SNX9: variants seen among roughly 807,000 people sequenced by gnomAD.
SNX9 encodes sorting nexin-9.
Under a neutral mutation model 89.4 loss-of-function variants are expected in SNX9, and 44 were observed. That is an observed-to-expected ratio of 0.49 (90% confidence interval 0.39 to 0.63). The LOEUF is 0.63. SNX9 is among the 30% of genes least tolerant of loss of function. The pLI, the probability that SNX9 is intolerant of heterozygous loss-of-function variation, is 0.00. For synonymous variants in SNX9, 236 were observed against 247.8 expected, an observed-to-expected ratio of 0.95 and a Z score of 0.45; for missense variants, 578 against 736.1, an observed-to-expected ratio of 0.79 and a Z score of 2.49.
intron 1 of SNX9, among the ~76,000 whole-genome samples, chr6:157,860,673 A>G (rs1387830910): frequency 1.3e-5 from 2 of 152,180 alleles, no homozygotes; most frequent in Non-Finnish European, 1.5e-5. Flanking sequence ...AATCATCCCA[A>G]TCTCTAGAAG....
intron 1 of SNX9, among the ~76,000 whole-genome samples, chr6:157,856,228 T>C (rs1019586775): frequency 2.6e-5 from 4 of 152,248 alleles, no homozygotes; most frequent in African/African-American, 9.6e-5. Flanking sequence ...GTGTTTTTTA[T>C]GGTTTTTTAA....
At chr6:157,922,619 T>A (rs1444111583) in intron 10 of SNX9, among the ~76,000 whole-genome samples, 1 of 152,254 alleles carries the variant, frequency 6.6e-6, no homozygotes, top group Non-Finnish European at 1.5e-5. Flanking sequence ...TGCATACACT[T>A]AACATACATA....
chr6:157,842,998 G>T (rs1328122385), intron 1 of SNX9, among the ~76,000 whole-genome samples: 6 of 152,184 alleles, frequency 3.9e-5, no homozygotes, highest in Non-Finnish European at 8.8e-5. Context: ...CCCAAAGTTA[G>T]TTCTGGCCTG....
intron 1 of SNX9, among the ~76,000 whole-genome samples, chr6:157,834,684 C>G (rs1781550302): frequency 6.6e-6 from 1 of 152,044 alleles, no homozygotes; most frequent in South Asian, 2.1e-4. Context: ...TTCCTCATGC[C>G]CATTCCATTC....
Position 157,943,110 on chromosome 6 carries a change from A to C in SNX9, c.*272A>C, listed in dbSNP as rs1784076393. 1 of 317,120 alleles carries C rather than the reference A, an allele frequency of 3.2e-6. No homozygotes were observed. Among genetic ancestry groups the C allele is most frequent in the African/African-American group, 2.1e-5 (1 of 46,576 alleles). The allele number at this position is 317,120 out of a possible 1,614,324, so 19.6% of individuals were successfully genotyped here. On this transcript the variant is annotated 3_prime_UTR_variant, in exon 18 of 18. Transcript: ENST00000392185. ...AAAAGTTACCAGAATTTTCAATGGA[A>C]AATGAGGGGTTTCTCCCCACTGATA...
In SNX9 at chr6:157,844,600, G is replaced by GTTTTTTTTTTTTTTTTTTTTTTTTTTT. The variant is rs34836632; in HGVS notation, c.12+21165_12+21166insTTTTTTTTTTTTTTTTTTTTTTTTTTT. On this transcript the variant is annotated intron_variant, in intron 1 of 17. Transcript: ENST00000392185. ...TGGCTAATCCTTGTTTTTTTTTTTT[G>GTTTTTTTTTTTTTTTTTTTTTTTTTTT]TTTTTTTTTTTGAGACAGAGTCTCA... Among the ~76,000 whole-genome samples the GTTTTTTTTTTTTTTTTTTTTTTTTTTT allele has an allele frequency of 3.0e-5, 4 of 131,832 alleles. No homozygotes were observed. The East Asian group carries it at 9.0e-4, about 30-fold the overall frequency. 86.5% of individuals were successfully genotyped at this position (131,832 alleles called of 152,430 possible).
intron 1 of SNX9, among the ~76,000 whole-genome samples, chr6:157,838,834 A>G (rs1781637857): frequency 6.6e-6 from 1 of 152,228 alleles, no homozygotes; most frequent in Non-Finnish European, 1.5e-5. Flanking sequence ...TTTATCTGGC[A>G]CTGGTTAAAC....
chr6:157,901,367 A>G (rs1377511648), intron 5 of SNX9, among the ~76,000 whole-genome samples: 1 of 151,962 alleles, frequency 6.6e-6, no homozygotes, highest in Non-Finnish European at 1.5e-5. Flanking sequence ...GTTATTTTTG[A>G]CTTTGTTCCC....
At chr6:157,901,815 T>TAGAA (rs1466505193) in intron 5 of SNX9, 83 bp from the exon 6 acceptor site, 20 of 1,514,894 alleles carry the variant, frequency 1.3e-5, no homozygotes, top group Non-Finnish European at 1.8e-5. Context: ...AGTAGGTAGT[T>TAGAA]ACTGTCAGAA....
chr6:157,865,875 A>T (rs112691994), intron 1 of SNX9, among the ~76,000 whole-genome samples: 1 of 152,254 alleles, frequency 6.6e-6, no homozygotes, highest in African/African-American at 2.4e-5. Flanking sequence ...TGTTCAGTAA[A>T]TATTGTTAAA....
intron 1 of SNX9, among the ~76,000 whole-genome samples, chr6:157,860,088 G>A (rs762233933): frequency 5.4e-4 from 82 of 152,236 alleles, no homozygotes; most frequent in Admixed American, 9.8e-4. Context: ...CTGCAAACTC[G>A]AAAATATTTA....
intron 1 of SNX9, among the ~76,000 whole-genome samples, chr6:157,840,406 A>ACTTT (rs369386039): frequency 3.1e-5 from 4 of 129,036 alleles, no homozygotes; most frequent in East Asian, 4.8e-4. Flanking sequence ...TACAAAAAAT[A>ACTTT]CTTTCTTTCT....
chr6:157,910,955 A>G (rs913328436), intron 9 of SNX9, among the ~76,000 whole-genome samples: 2 of 152,076 alleles, frequency 1.3e-5, no homozygotes, highest in African/African-American at 4.8e-5. Flanking sequence ...CCCTGTCTCT[A>G]CTAAAAAATT....
At chr6:157,902,109 A>G (rs372932316) in intron 6 of SNX9, 64 bp downstream of exon 6, 2 of 1,410,680 alleles carry the variant, frequency 1.4e-6, no homozygotes, top group Admixed American at 2.7e-5. Flanking sequence ...TACAAAGTAT[A>G]TACCCTACCA....
intron 13 of SNX9, 67 bp downstream of exon 13, chr6:157,932,339 T>C: frequency 1.4e-6 from 2 of 1,412,426 alleles, no homozygotes; most frequent in Non-Finnish European, 2.0e-6. Flanking sequence ...CTGCTTAGGA[T>C]CCTGCAGACG....
At chr6:157,830,073 A>G (rs150512917) in intron 1 of SNX9, 23 of 152,312 alleles carry the variant, frequency 1.5e-4, no homozygotes, top group African/African-American at 4.6e-4. Flanking sequence ...AATATGATCA[A>G]TTATTGCCCA....
intron 5 of SNX9, among the ~76,000 whole-genome samples, chr6:157,900,990 G>A (rs1361509099): frequency 2.0e-5 from 3 of 152,150 alleles, no homozygotes; most frequent in Non-Finnish European, 4.4e-5. Flanking sequence ...CATATGGACG[G>A]TGCCCCCATG....
Position 157,932,175 on chromosome 6 carries a change from T to C in SNX9, c.1289-20T>C. Reference sequence around the variant, plus strand: ...CAGTTTGCTCAGAAGACTAATCGTTTATTCCTTTTTGTCTTTCAGCATTAC... The same window carrying C: ...CAGTTTGCTCAGAAGACTAATCGTTCATTCCTTTTTGTCTTTCAGCATTAC... On this transcript the variant is annotated intron_variant, in intron 12 of 17. Coordinates refer to ENST00000392185, the MANE Select transcript of SNX9 (RefSeq NM_016224.5). The C allele has an allele frequency of 6.2e-7, 1 of 1,610,146 alleles. No homozygotes were observed. Among genetic ancestry groups the C allele is most frequent in the Non-Finnish European group, 8.5e-7 (1 of 1,176,310 alleles).
chr6:157,876,009 A>T (rs1782512001), intron 4 of SNX9, among the ~76,000 whole-genome samples: 1 of 152,114 alleles, frequency 6.6e-6, no homozygotes, highest in Non-Finnish European at 1.5e-5. Flanking sequence ...AAAAAGAATT[A>T]AAATATTGTT....
Sources: gnomAD v4.1 joint callset for allele counts (sites outside exome capture counted in the v4.1 genomes callset) on GRCh38, gnomAD v4.1.1 for gene constraint, MANE v1.5 for transcripts, NCBI Gene and HGNC (gene_info 2026-07-23, HGNC 2026-07-21) for gene names.